APP: variants seen among roughly 807,000 people sequenced by gnomAD.
APP encodes amyloid-beta precursor protein.
A neutral mutation model predicts 101.4 loss-of-function variants in APP; 31 were observed. That is an observed-to-expected ratio of 0.31 (90% confidence interval 0.23 to 0.41). The LOEUF (loss-of-function observed/expected upper bound fraction) is 0.41. Ranked by LOEUF, APP falls within the 10% of genes least tolerant of loss-of-function variation. The pLI, the probability that APP is intolerant of heterozygous loss-of-function variation, is 1.00. For synonymous variants in APP, 366 were observed against 364.4 expected (o/e 1.00, Z -0.05); for missense variants, 839 against 1,003.7 (o/e 0.84, Z 2.22).
intron 5 of APP, among the ~76,000 whole-genome samples, chr21:26,041,071 CT>C (rs1351025242): frequency 6.6e-6 from 1 of 152,202 alleles, no homozygotes; most frequent in Non-Finnish European, 1.5e-5. Context: ...GTTTGAACAT[CT>C]CTAAATTATT....
intron 3 of APP, among the ~76,000 whole-genome samples, chr21:26,080,316 AAT>A (rs1382464548): frequency 1.3e-5 from 2 of 152,194 alleles, no homozygotes; most frequent in African/African-American, 4.8e-5. Context: ...GTCTAACTCA[AAT>A]AGTGCTGGAA....
chr21:25,980,772 G>C (rs2042402085), intron 9 of APP, among the ~76,000 whole-genome samples: 1 of 152,086 alleles, frequency 6.6e-6, no homozygotes, highest in African/African-American at 2.4e-5. Flanking sequence ...TTATTATTCA[G>C]GTGAGGCCAA....
At chr21:26,121,859 C>G (rs935110907) in intron 1 of APP, among the ~76,000 whole-genome samples, 11 of 151,940 alleles carry the variant, frequency 7.2e-5, no homozygotes, top group African/African-American at 2.2e-4. Context: ...TCTCATTGAC[C>G]CACTGCAATG....
intron 1 of APP, among the ~76,000 whole-genome samples, chr21:26,146,900 C>T (rs1044972070): frequency 6.6e-6 from 1 of 152,080 alleles, no homozygotes; most frequent in African/African-American, 2.4e-5. Context: ...TAAATAATTA[C>T]CCACCTTCCT....
chr21:26,030,586 C>T (rs2044774881), intron 5 of APP, among the ~76,000 whole-genome samples: 3 of 152,018 alleles, frequency 2.0e-5, no homozygotes, highest in Non-Finnish European at 1.5e-5. Flanking sequence ...GGCTAAATTG[C>T]TTTTTTAAAG....
intron 1 of APP, among the ~76,000 whole-genome samples, chr21:26,131,047 T>C (rs2062783524): frequency 6.6e-6 from 1 of 151,998 alleles, no homozygotes; most frequent in Non-Finnish European, 1.5e-5. Flanking sequence ...CTGACCAACA[T>C]GGAGAAACCC....
chr21:25,883,487 T>C (rs11701375), intron 17 of APP, among the ~76,000 whole-genome samples: 17,352 of 152,004 alleles, frequency 0.11, 985 homozygotes, highest in Middle Eastern at 0.13. Flanking sequence ...GTCGGGAGTT[T>C]GAGACACGCC....
chr21:25,946,202 C>T (rs760550545), intron 13 of APP, among the ~76,000 whole-genome samples: 6 of 152,008 alleles, frequency 3.9e-5, no homozygotes, highest in Non-Finnish European at 8.8e-5. Context: ...GTAACTGCCA[C>T]AAAAGAAAAA....
At chr21:26,119,526 C>T (rs913142266) in intron 1 of APP, among the ~76,000 whole-genome samples, 6 of 152,170 alleles carry the variant, frequency 3.9e-5, no homozygotes, top group Admixed American at 6.5e-5. Flanking sequence ...TCCAAATCTC[C>T]CAATGTTCCA....
At position 25,983,854 on chromosome 21, in the gene APP, G is replaced by GGGAAGGAA. The variant is rs142801277; in HGVS notation, c.1091-1385_1091-1378dup. Among the ~76,000 whole-genome samples, 11 of 152,250 alleles carry GGGAAGGAA rather than the reference G, an allele frequency of 7.2e-5. No homozygotes were observed. In the South Asian group the frequency reaches 2.1e-3, roughly 29 times the overall value. ...TTCCTTCTTACATTGGCAGCAACGG[G>GGGAAGGAA]GGAAGGAAGGAAGGAAGGAAAGAGT... is the stretch of plus-strand genomic sequence containing the variant. On this transcript the variant is annotated intron_variant, in intron 8 of 17. Coordinates refer to ENST00000346798, the MANE Select transcript of APP (RefSeq NM_000484.4).
intron 9 of APP, among the ~76,000 whole-genome samples, chr21:25,979,805 A>C (rs2042357493): frequency 1.1e-5 from 1 of 90,310 alleles, no homozygotes; most frequent in South Asian, 4.2e-4. Context: ...GATTAAAAAA[A>C]CACACATTAA....
intron 13 of APP, among the ~76,000 whole-genome samples, chr21:25,952,185 C>CATAT (rs556172864): frequency 7.2e-6 from 1 of 139,120 alleles, no homozygotes; most frequent in African/African-American, 2.6e-5. Context: ...GAGCATATTA[C>CATAT]ATACATACAC....
At position 26,163,549 on chromosome 21, in the gene APP, A is replaced by G. The variant is rs111485836; in HGVS notation, c.57+7015T>C. Among the ~76,000 whole-genome samples the G allele has an allele frequency of 1.5e-3, 231 of 152,332 alleles. 2 individuals carry two copies. Among genetic ancestry groups the G allele is most frequent in the Middle Eastern group, 6.8e-3 (2 of 294 alleles). ...TGAACCCTCCACTCCTGCTTCTGGA[A>G]CCATCTTAATCACTCCTCACTGTAT... On this transcript the variant is annotated intron_variant, in intron 1 of 17. Coordinates refer to ENST00000346798, the MANE Select transcript of APP (RefSeq NM_000484.4).
chr21:25,940,399 G>T (rs367779249), intron 13 of APP, among the ~76,000 whole-genome samples: 29 of 152,012 alleles, frequency 1.9e-4, no homozygotes, highest in African/African-American at 6.8e-4. Flanking sequence ...AGTCTAAAAG[G>T]TTTCACCCAT....
At chr21:26,161,048 C>T (rs572742720) in intron 1 of APP, among the ~76,000 whole-genome samples, 6 of 152,252 alleles carry the variant, frequency 3.9e-5, no homozygotes, top group African/African-American at 7.2e-5. Flanking sequence ...CACAGCTGTT[C>T]GAATCTTCAA....
At chr21:25,898,379 C>T (rs1245588052) in intron 15 of APP, among the ~76,000 whole-genome samples, 2 of 152,146 alleles carry the variant, frequency 1.3e-5, no homozygotes, top group Non-Finnish European at 2.9e-5. Context: ...TGATGAATTT[C>T]ATTATTCAAA....
At chr21:26,097,642 T>A (rs2061973352) in intron 2 of APP, among the ~76,000 whole-genome samples, 1 of 152,078 alleles carries the variant, frequency 6.6e-6, no homozygotes, top group South Asian at 2.1e-4. Context: ...GAGGAAGGCA[T>A]TTAGGAAGAG....
chr21:25,978,357 C>T (rs763336790), intron 9 of APP, among the ~76,000 whole-genome samples: 3 of 152,084 alleles, frequency 2.0e-5, no homozygotes, highest in Non-Finnish European at 4.4e-5. Context: ...TACTGCTGAC[C>T]CTGTATTAAG....
At chr21:26,009,131 A>G (rs537847275) in intron 6 of APP, among the ~76,000 whole-genome samples, 2 of 152,370 alleles carry the variant, frequency 1.3e-5, no homozygotes, top group South Asian at 2.1e-4. Context: ...AACGTGAGAC[A>G]TAAGATTTAA....
Sources: gnomAD v4.1 joint callset for allele counts (sites outside exome capture counted in the v4.1 genomes callset) on GRCh38, gnomAD v4.1.1 for gene constraint, MANE v1.5 for transcripts, NCBI Gene and HGNC (gene_info 2026-07-23, HGNC 2026-07-21) for gene names.